Variants in MYO5A observed in about 807,000 individuals in gnomAD.
MYO5A encodes the protein unconventional myosin-Va.
MYO5A carries 98 observed loss-of-function variants against 249.7 expected under a neutral mutation model. The ratio of observed to expected loss-of-function variants is 0.39; its 90% CI spans 0.33 to 0.46. MYO5A has a LOEUF of 0.46. MYO5A is among the 20% of genes least tolerant of loss of function. The pLI, the probability that MYO5A is intolerant of heterozygous loss-of-function variation, is 0.98. For missense variants in MYO5A, 1,696 were observed against 2,308.8 expected (o/e 0.73, Z 5.44); for synonymous variants, 778 against 810.6 (o/e 0.96, Z 0.68).
At chr15:52,324,357 G>C (rs2038492765) in intron 36 of MYO5A, among the ~76,000 whole-genome samples, 1 of 152,162 alleles carries the variant, frequency 6.6e-6, no homozygotes, top group Non-Finnish European at 1.5e-5. Flanking sequence ...TGTGAGGGCT[G>C]GGAATACTTC....
At chr15:52,513,277 A>G (rs889202793) in intron 1 of MYO5A, among the ~76,000 whole-genome samples, 4 of 151,506 alleles carry the variant, frequency 2.6e-5, no homozygotes, top group Non-Finnish European at 4.4e-5. Flanking sequence ...CTAAAAATAC[A>G]AAAATTAGCA....
intron 1 of MYO5A, among the ~76,000 whole-genome samples, chr15:52,434,721 G>T (rs1567123071): frequency 6.6e-6 from 1 of 152,170 alleles, no homozygotes; most frequent in Non-Finnish European, 1.5e-5. Flanking sequence ...TATGTGCTTG[G>T]ACTCTCTGGG....
intron 24 of MYO5A, among the ~76,000 whole-genome samples, chr15:52,361,451 A>G (rs1418717943): frequency 6.6e-6 from 1 of 152,200 alleles, no homozygotes; most frequent in African/African-American, 2.4e-5. Context: ...AATAGAAGCA[A>G]CATTGCTTTT....
chr15:52,376,387 T>C lies in MYO5A; in HGVS notation c.2380A>G (p.Ile794Val). Residue 794 changes from isoleucine to valine, a missense_variant, in exon 19 of 42, where the codon ATC becomes GTC. Transcript: ENST00000399233. ...CCCCGCACGTATCTCTGCATGGTGA[T>C]GGCTGCCTTCCGCATGCGTAGGTAC... ...KKYLRMRKAA[I>V]TMQRYVRGYQ... The C allele has an allele frequency of 6.8e-6, 11 of 1,614,184 alleles. No individual in the cohort carries two copies. The highest frequency in any genetic ancestry group is 9.3e-6 in the Non-Finnish European group (11 of 1,180,032).
intron 1 of MYO5A, chr15:52,505,707 A>G (rs2077255096): frequency 7.5e-7 from 1 of 1,340,534 alleles, no homozygotes; most frequent in Non-Finnish European, 1.1e-6. Context: ...TCTGGGACTC[A>G]TCTAAACTAG....
intron 1 of MYO5A, among the ~76,000 whole-genome samples, chr15:52,490,477 G>A (rs558297362): frequency 3.3e-5 from 5 of 152,248 alleles, no homozygotes; most frequent in South Asian, 2.1e-4. Flanking sequence ...AAGATGTCAC[G>A]ACATGGATGA....
At chr15:52,332,681 T>C (rs2038943826) in intron 34 of MYO5A, among the ~76,000 whole-genome samples, 1 of 152,166 alleles carries the variant, frequency 6.6e-6, no homozygotes, top group African/African-American at 2.4e-5. Flanking sequence ...AATAAAATGT[T>C]GGCCGGGCAC....
chr15:52,417,478 G>C (rs2141256575), intron 4 of MYO5A, among the ~76,000 whole-genome samples: 1 of 152,240 alleles, frequency 6.6e-6, no homozygotes, highest in East Asian at 1.9e-4. Flanking sequence ...CCATTTGCTG[G>C]CTTGGCTTCA....
At position 52,329,424 on chromosome 15, in the gene MYO5A, T is replaced by TA. The variant is rs142922007; in HGVS notation, c.4555+928dup. ...TTTTTAGGATTTTCACTTCACAACT[T>TA]ACGGTGTGTACACTCTAATCATTTA... On this transcript the variant is annotated intron_variant, in intron 35 of 41. Transcript: ENST00000399233. Among the ~76,000 whole-genome samples, 791 of 152,300 alleles carry TA rather than the reference T, an allele frequency of 5.2e-3. 6 individuals carry two copies. Among genetic ancestry groups the TA allele is most frequent in the African/African-American group, 0.018 (768 of 41,564 alleles).
chr15:52,408,171 C>A, intron 6 of MYO5A, 31 bp from the exon 7 acceptor site: 2 of 1,246,328 alleles, frequency 1.6e-6, no homozygotes, highest in Non-Finnish European at 2.4e-6. Context: ...TCAATTACAG[C>A]ATTTTAATCT....
At chr15:52,469,014 A>C (rs1353635714) in intron 1 of MYO5A, among the ~76,000 whole-genome samples, 1 of 152,244 alleles carries the variant, frequency 6.6e-6, no homozygotes, top group Non-Finnish European at 1.5e-5. Flanking sequence ...GTTCATATAT[A>C]AAATTTTCCC....
intron 31 of MYO5A, among the ~76,000 whole-genome samples, chr15:52,341,821 T>C (rs1336232884): frequency 1.3e-5 from 2 of 152,262 alleles, no homozygotes; most frequent in East Asian, 1.9e-4. Context: ...AGAATTTTAA[T>C]GAGATTTTAA....
intron 2 of MYO5A, among the ~76,000 whole-genome samples, chr15:52,432,412 C>T (rs115478473): frequency 0.014 from 2,090 of 152,318 alleles, 42 homozygotes; most frequent in African/African-American, 0.048. Flanking sequence ...TCACCTTAAG[C>T]AACTGGTCAT....
rs2041361110 is a variant in MYO5A, at chr15:52,375,470, G to T, written c.2421-10C>A. ...CAGAAACTTAGCATAGCTGGCCAAA[G>T]AAAATAACATTATGTTGTCAGTAAT... is the stretch of plus-strand genomic sequence containing the variant. On this transcript the variant is annotated splice_polypyrimidine_tract_variant and intron_variant, in intron 19 of 41. Coordinates refer to ENST00000399233, the MANE Select transcript of MYO5A (RefSeq NM_001382347.1). The T allele has an allele frequency of 2.5e-6, 4 of 1,613,754 alleles. No homozygotes were observed. The East Asian group carries it at 8.9e-5, about 36-fold the overall frequency.
At position 52,321,551 on chromosome 15, in the gene MYO5A, CT is replaced by C. The variant is rs746410551; in HGVS notation, c.4801-43del. Reference sequence around the variant, plus strand: ...AAGTTAATGATACACATGAAGTAACCTGTCTCTTCAGTTTAACTATCTCCAA... The same window carrying C: ...AAGTTAATGATACACATGAAGTAACCGTCTCTTCAGTTTAACTATCTCCAA... On this transcript the variant is annotated intron_variant, in intron 37 of 41. Coordinates refer to ENST00000399233, the MANE Select transcript of MYO5A (RefSeq NM_001382347.1). The C allele has an allele frequency of 2.2e-5, 36 of 1,602,620 alleles. No homozygotes were observed. In the East Asian group the frequency reaches 7.8e-4, roughly 35 times the overall value.
chr15:52,325,489 C>T (rs898115162), intron 36 of MYO5A, among the ~76,000 whole-genome samples: 1 of 150,992 alleles, frequency 6.6e-6, no homozygotes, highest in Admixed American at 6.6e-5. Context: ...GCAGCTTTGA[C>T]CTCACAGGCT....
chr15:52,433,161 A>C lies in MYO5A; in HGVS notation c.138+14T>G. ...ACTTTATGCCAATGACAACAAATGA[A>C]AGTGAGATCTCACCTTTCCTTCCTC... On this transcript the variant is annotated intron_variant, in intron 2 of 41. Transcript: ENST00000399233. The C allele has an allele frequency of 6.5e-7, 1 of 1,549,894 alleles. No individual in the cohort carries two copies. Among genetic ancestry groups the C allele is most frequent in the Non-Finnish European group, 8.9e-7 (1 of 1,121,764 alleles).
At chr15:52,424,350 T>A (rs2075350634) in intron 4 of MYO5A, among the ~76,000 whole-genome samples, 1 of 152,234 alleles carries the variant, frequency 6.6e-6, no homozygotes, top group Admixed American at 6.5e-5. Context: ...CTGGTCTTCC[T>A]AGTTACGTGA....
At chr15:52,340,856 G>C (rs890890242) in intron 31 of MYO5A, among the ~76,000 whole-genome samples, 7 of 151,924 alleles carry the variant, frequency 4.6e-5, no homozygotes. Flanking sequence ...GCTGAGGCAG[G>C]AGAACTGGTT....
Sources: allele counts gnomAD v4.1 joint callset (sites outside exome capture counted in the v4.1 genomes callset), GRCh38; gene constraint gnomAD v4.1.1; transcripts MANE v1.5; gene names NCBI Gene and HGNC (gene_info 2026-07-23, HGNC 2026-07-21).